Variants in FRMD4A observed in about 807,000 individuals in gnomAD.
FRMD4A encodes FERM domain-containing protein 4A.
Under a neutral mutation model 129.1 loss-of-function variants are expected in FRMD4A, and 29 were observed. That is an observed-to-expected ratio of 0.22 (90% CI 0.17 to 0.31). The LOEUF (loss-of-function observed/expected upper bound fraction) is 0.31, where lower values mean the gene tolerates loss of function less well. Ranked by LOEUF, FRMD4A falls within the 10% of genes least tolerant of loss-of-function variation. The pLI, the probability that FRMD4A is intolerant of heterozygous loss-of-function variation, is 1.00. For synonymous variants in FRMD4A, 634 were observed against 571.6 expected, an observed-to-expected ratio of 1.11 and a Z score of -1.56; for missense variants, 1,272 against 1,375.8, an observed-to-expected ratio of 0.92 and a Z score of 1.19.
Position 13,812,256 on chromosome 10 carries a change from C to T in FRMD4A, c.112-1348G>A, listed in dbSNP as rs551368880. Among the ~76,000 whole-genome samples, 51 of 152,322 alleles carry T rather than the reference C, an allele frequency of 3.3e-4. No individual in the cohort carries two copies. In the South Asian group the frequency reaches 9.9e-3, roughly 30 times the overall value. On this transcript the variant is annotated intron_variant, in intron 3 of 24. Transcript: ENST00000357447. ...TCTCCCCAAAATGCATGCGTTAAAG[C>T]TCTGACATCCAGTGGTATTTGGAAA...
intron 21 of FRMD4A, 113 bp from the exon 22 acceptor site, chr10:13,657,635 G>T: frequency 7.2e-7 from 1 of 1,396,768 alleles, no homozygotes; most frequent in Admixed American, 2.9e-5. Flanking sequence ...GCGGGCGCAG[G>T]CCCCAGCCCA....
chr10:13,658,881 C>CAAA (rs60536121), intron 21 of FRMD4A, among the ~76,000 whole-genome samples: 54 of 75,180 alleles, frequency 7.2e-4, no homozygotes, highest in African/African-American at 1.9e-3. Flanking sequence ...GACTCCATCT[C>CAAA]AAAAAAAAAA....
At chr10:14,301,571 C>A (rs1846187449) in intron 2 of FRMD4A, among the ~76,000 whole-genome samples, 1 of 152,156 alleles carries the variant, frequency 6.6e-6, no homozygotes, top group African/African-American at 2.4e-5. Flanking sequence ...ATTCAATTGA[C>A]TAAATATTGG....
At chr10:13,693,410 T>C (rs2085911286) in intron 15 of FRMD4A, 2 of 611,682 alleles carry the variant, frequency 3.3e-6, no homozygotes, top group African/African-American at 2.0e-5. Flanking sequence ...CAAAAGGCAC[T>C]GAATGGAGAA....
At chr10:13,676,605 G>A (rs2084028718) in intron 15 of FRMD4A, among the ~76,000 whole-genome samples, 1 of 152,118 alleles carries the variant, frequency 6.6e-6, no homozygotes, top group African/African-American at 2.4e-5. Flanking sequence ...AGCCCATCGT[G>A]AGCAGAAGTG....
intron 2 of FRMD4A, among the ~76,000 whole-genome samples, chr10:14,172,076 C>T (rs1841505696): frequency 6.6e-6 from 1 of 152,154 alleles, no homozygotes; most frequent in African/African-American, 2.4e-5. Context: ...GGTCTTGTTC[C>T]CTCAGTCATG....
rs890118283 is a variant in FRMD4A at position 14,184,355 on chromosome 10, G to A, written c.45+145703C>T. 3.6e-5 allele frequency among the ~76,000 whole-genome samples: 5 copies of A among 140,498 alleles called. No homozygotes were observed. In the East Asian group the frequency reaches 1.1e-3, roughly 31 times the overall value. The allele number at this position is 140,498 out of a possible 152,430, so 92.2% of individuals were successfully genotyped here. A position where few individuals can be genotyped will look rare whatever the true frequency, so the allele number is the denominator to read the frequency against. ...TCACCATGTTGGCCAGGCTGGTCTC[G>A]AACTCCTGACCCAAAGTGCTGGGAT... is the stretch of plus-strand genomic sequence containing the variant. On this transcript the variant is annotated intron_variant, in intron 2 of 24. Transcript: ENST00000357447.
In FRMD4A at chr10:13,646,941, G is replaced by C; in HGVS notation, c.*97C>G. On this transcript the variant is annotated 3_prime_UTR_variant, in exon 25 of 25. Transcript: ENST00000357447. The stretch of plus-strand genomic sequence containing the variant: ...GATTAGGCCGGGCTGGCTCACACGA[G>C]GGTCCCGGGCTTGGCTTTTTCCTGC... The C allele has an allele frequency of 3.1e-6, 3 of 970,470 alleles. No homozygotes were observed. The highest frequency in any genetic ancestry group is 3.7e-6 in the Non-Finnish European group (3 of 815,774). 60.1% of individuals were successfully genotyped at this position (970,470 alleles called of 1,614,324 possible). A position where few individuals can be genotyped will look rare whatever the true frequency, so the allele number is the denominator to read the frequency against.
In FRMD4A at chr10:13,936,488, T is replaced by C. The variant is rs561966547; in HGVS notation, c.46-77576A>G. Among the ~76,000 whole-genome samples the C allele has an allele frequency of 4.5e-4, 69 of 152,196 alleles. 1 individual carries two copies. The highest frequency in any genetic ancestry group is 6.8e-3 in the Middle Eastern group (2 of 294). ...AGGATGGAGAGACTTTGGGAGGTGA[T>C]TAGGTCATGAGGGTGAAGCCTCATG... On this transcript the variant is annotated intron_variant, in intron 2 of 24. Coordinates refer to ENST00000357447, the MANE Select transcript of FRMD4A (RefSeq NM_018027.5).
chr10:14,077,340 T>C (rs1835673910), intron 2 of FRMD4A, among the ~76,000 whole-genome samples: 1 of 152,242 alleles, frequency 6.6e-6, no homozygotes, highest in African/African-American at 2.4e-5. Context: ...TCTTCATTTG[T>C]CACTCGATGC....
intron 2 of FRMD4A, among the ~76,000 whole-genome samples, chr10:14,112,995 C>A (rs974678326): frequency 2.0e-5 from 3 of 152,080 alleles, no homozygotes; most frequent in African/African-American, 7.2e-5. Flanking sequence ...AGAGGGCAGT[C>A]CTGAGCAGCC....
chr10:14,236,793 G>A (rs781750466), intron 2 of FRMD4A, among the ~76,000 whole-genome samples: 1 of 152,090 alleles, frequency 6.6e-6, no homozygotes, highest in East Asian at 1.9e-4. Context: ...CAAACATCCA[G>A]AACAGATGCT....
chr10:14,173,802 A>G (rs946033802), intron 2 of FRMD4A, among the ~76,000 whole-genome samples: 3 of 152,110 alleles, frequency 2.0e-5, no homozygotes, highest in East Asian at 1.9e-4. Flanking sequence ...CCCATTGTCC[A>G]CGCTGACAGA....
chr10:13,778,410 T>C (rs1222714645), intron 6 of FRMD4A, among the ~76,000 whole-genome samples: 1 of 152,132 alleles, frequency 6.6e-6, no homozygotes, highest in Non-Finnish European at 1.5e-5. Flanking sequence ...CTTAGTGTGC[T>C]GGGTTTGAGC....
chr10:14,137,759 A>G (rs971966796), intron 2 of FRMD4A, among the ~76,000 whole-genome samples: 1 of 152,190 alleles, frequency 6.6e-6, no homozygotes, highest in Non-Finnish European at 1.5e-5. Flanking sequence ...TTAATATGCA[A>G]TGGCACTCCC....
At chr10:14,227,482 C>G (rs555464124) in intron 2 of FRMD4A, among the ~76,000 whole-genome samples, 6 of 151,964 alleles carry the variant, frequency 3.9e-5, no homozygotes, top group Non-Finnish European at 2.9e-5. Context: ...GAACCCCTGA[C>G]CTCAAGTGAT....
intron 2 of FRMD4A, among the ~76,000 whole-genome samples, chr10:14,068,212 G>A (rs977733339): frequency 8.5e-5 from 13 of 152,180 alleles, no homozygotes; most frequent in Admixed American, 5.2e-4. Flanking sequence ...GGCTGGGGGC[G>A]CAGGGGTTGG....
intron 2 of FRMD4A, among the ~76,000 whole-genome samples, chr10:13,992,824 A>G (rs1348518474): frequency 6.6e-6 from 1 of 151,782 alleles, no homozygotes; most frequent in African/African-American, 2.4e-5. Flanking sequence ...ATGGTGGCGC[A>G]TGCCTGTAAT....
intron 2 of FRMD4A, among the ~76,000 whole-genome samples, chr10:14,188,172 T>A (rs989214079): frequency 1.3e-5 from 2 of 152,174 alleles, no homozygotes; most frequent in African/African-American, 2.4e-5. Flanking sequence ...TTACTGGACC[T>A]TTTCCACAAA....
Sources: gnomAD v4.1 joint callset for allele counts (sites outside exome capture counted in the v4.1 genomes callset) on GRCh38, gnomAD v4.1.1 for gene constraint, MANE v1.5 for transcripts, NCBI Gene and HGNC (gene_info 2026-07-23, HGNC 2026-07-21) for gene names.